C2orf76: variants seen among roughly 807,000 people sequenced by gnomAD.
C2orf76 encodes chromosome 2 open reading frame 76.
A neutral mutation model predicts 16.9 loss-of-function variants in C2orf76; 23 were observed. The ratio of observed to expected loss-of-function variants is 1.36; its 90% CI spans 0.98 to 1.93. C2orf76 has a LOEUF of 1.93. Among genes scored for constraint, C2orf76 ranks in the 30% most tolerant of loss-of-function variants. The pLI, the probability that C2orf76 is intolerant of heterozygous loss-of-function variation, is 0.00. For missense variants in C2orf76, 152 were observed against 152.6 expected (o/e 1.00, Z 0.02); for synonymous variants, 48 against 52.3 (o/e 0.92, Z 0.35).
intron 2 of C2orf76, among the ~76,000 whole-genome samples, chr2:119,327,872 T>C (rs528424777): frequency 6.6e-6 from 1 of 152,004 alleles, no homozygotes; most frequent in South Asian, 2.1e-4. Flanking sequence ...TAAATATTGT[T>C]GGATTTGATT....
At chr2:119,354,153 A>C (rs572551784) in intron 1 of C2orf76, among the ~76,000 whole-genome samples, 18 of 152,338 alleles carry the variant, frequency 1.2e-4, no homozygotes, top group African/African-American at 4.3e-4. Context: ...GTGTCAATTA[A>C]AGAATCTGCT....
intron 5 of C2orf76, among the ~76,000 whole-genome samples, chr2:119,306,281 G>T (rs1271269878): frequency 6.6e-6 from 1 of 152,134 alleles, no homozygotes; most frequent in African/African-American, 2.4e-5. Flanking sequence ...AGAGAAGGGG[G>T]AGCCACAGAA....
chr2:119,313,202 G>A (rs1048266173), intron 4 of C2orf76, among the ~76,000 whole-genome samples: 1 of 152,084 alleles, frequency 6.6e-6, no homozygotes, highest in Non-Finnish European at 1.5e-5. Flanking sequence ...CAAATCAGAA[G>A]CCCAAGCCAC....
intron 1 of C2orf76, among the ~76,000 whole-genome samples, chr2:119,361,671 G>A (rs565021262): frequency 6.6e-6 from 1 of 152,012 alleles, no homozygotes; most frequent in Non-Finnish European, 1.5e-5. Flanking sequence ...ATCCATAGGA[G>A]GTCATGGAAC....
chr2:119,325,316 C>T (rs892321513), intron 2 of C2orf76, among the ~76,000 whole-genome samples: 5 of 152,028 alleles, frequency 3.3e-5, no homozygotes, highest in Admixed American at 2.0e-4. Context: ...AAAAATTAGC[C>T]AGGCGTGGTG....
At chr2:119,311,399 C>G (rs899470934) in intron 5 of C2orf76, 5 of 985,310 alleles carry the variant, frequency 5.1e-6, no homozygotes, top group Middle Eastern at 5.2e-4. Context: ...CTGAAAACAG[C>G]CATTTGCATT....
At chr2:119,283,339 C>T in the C2orf76 span, among the ~76,000 whole-genome samples, 1 of 152,252 alleles carries the variant, frequency 6.6e-6, no homozygotes, top group Non-Finnish European at 1.5e-5. Flanking sequence ...GCCCACACTC[C>T]TGGGCATCCA....
the C2orf76 span, among the ~76,000 whole-genome samples, chr2:119,286,524 A>G: frequency 0.036 from 5,489 of 152,188 alleles, 320 homozygotes; most frequent in African/African-American, 0.13. Flanking sequence ...AGACAGGAGG[A>G]GGTGCCAAAT....
chr2:119,350,691 T>C (rs1230586028), intron 1 of C2orf76, among the ~76,000 whole-genome samples: 1 of 152,190 alleles, frequency 6.6e-6, no homozygotes, highest in East Asian at 1.9e-4. Flanking sequence ...ATAGATGAGA[T>C]GGGCCTTCAG....
chr2:119,288,773 G>C, the C2orf76 span, among the ~76,000 whole-genome samples: 1 of 151,990 alleles, frequency 6.6e-6, no homozygotes, highest in South Asian at 2.1e-4. Context: ...AGACTGGAGA[G>C]GAGGCACTCA....
At chr2:119,339,704 CT>C in intron 2 of C2orf76, 122 bp downstream of exon 2, 1 of 1,100,232 alleles carries the variant, frequency 9.1e-7, no homozygotes, top group Non-Finnish European at 1.3e-6. Flanking sequence ...CGCCCAGCAC[CT>C]GGCTTGGAAC....
chr2:119,359,185 C>T (rs1366321174), intron 1 of C2orf76, among the ~76,000 whole-genome samples: 3 of 152,166 alleles, frequency 2.0e-5, no homozygotes, highest in African/African-American at 7.2e-5. Flanking sequence ...CATCTGTTTA[C>T]AGCATCGTTT....
intron 4 of C2orf76, among the ~76,000 whole-genome samples, chr2:119,312,201 T>G (rs1057497393): frequency 6.6e-6 from 1 of 152,230 alleles, no homozygotes; most frequent in Admixed American, 6.5e-5. Flanking sequence ...GAGCTGAGCT[T>G]CCAGCTCTGG....
At chr2:119,364,517 G>A (rs1449329803) in intron 1 of C2orf76, among the ~76,000 whole-genome samples, 2 of 152,168 alleles carry the variant, frequency 1.3e-5, no homozygotes, top group Admixed American at 1.3e-4. Context: ...TCTTCATAGA[G>A]AGAAAAACAC....
chr2:119,345,937 T>G (rs575555332), intron 1 of C2orf76, among the ~76,000 whole-genome samples: 1 of 151,016 alleles, frequency 6.6e-6, no homozygotes, highest in Non-Finnish European at 1.5e-5. Flanking sequence ...GGCGGGCGCC[T>G]GTAGCTACTC....
intron 1 of C2orf76, among the ~76,000 whole-genome samples, chr2:119,345,917 C>G (rs1372965398): frequency 1.3e-5 from 2 of 151,708 alleles, no homozygotes; most frequent in Non-Finnish European, 2.9e-5. Context: ...AAAAATTAGC[C>G]GGGCATGGTG....
chr2:119,342,371 G>A (rs182990001), intron 1 of C2orf76, among the ~76,000 whole-genome samples: 110 of 152,268 alleles, frequency 7.2e-4, no homozygotes, highest in Non-Finnish European at 1.2e-3. Flanking sequence ...TGCACTTTGG[G>A]AGGCCGAGGC....
At chr2:119,288,488 G>A in the C2orf76 span, among the ~76,000 whole-genome samples, 3 of 151,938 alleles carry the variant, frequency 2.0e-5, no homozygotes, top group Admixed American at 6.6e-5. Context: ...AAACATGAGA[G>A]GCTGATTATT....
At chr2:119,366,698 C>T (rs1268071368) in intron 1 of C2orf76, 92 bp downstream of exon 1, 2 of 491,478 alleles carry the variant, frequency 4.1e-6, no homozygotes, top group East Asian at 8.0e-5. Context: ...CCCCTTCCCC[C>T]GCGTGCCGTC....
Sources: allele counts gnomAD v4.1 joint callset (sites outside exome capture counted in the v4.1 genomes callset), GRCh38; gene constraint gnomAD v4.1.1; transcripts MANE v1.5; gene names NCBI Gene and HGNC (gene_info 2026-07-23, HGNC 2026-07-21).